The following ARHGEF3 variants were observed in gnomAD, a reference collection of about 807,000 sequenced individuals.
ARHGEF3 encodes the protein 59.8 kDA protein.
A neutral mutation model predicts 63.2 loss-of-function variants in ARHGEF3; 28 were observed. The ratio of observed to expected loss-of-function variants is 0.44; its 90% CI spans 0.33 to 0.61. The LOEUF (loss-of-function observed/expected upper bound fraction) is 0.61. Among genes scored for constraint, ARHGEF3 ranks in the 20% least tolerant of loss-of-function variants. The probability of loss-of-function intolerance (pLI) is 0.03; values close to 1 mark genes in which losing one functional copy is unlikely to be tolerated. For missense variants in ARHGEF3, 533 were observed against 659.3 expected, an observed-to-expected ratio of 0.81 and a Z score of 2.10; for synonymous variants, 266 against 254.2, an observed-to-expected ratio of 1.05 and a Z score of -0.44.
At chr3:56,812,207 A>G (rs1389112255) in intron 4 of ARHGEF3, among the ~76,000 whole-genome samples, 1 of 152,240 alleles carries the variant, frequency 6.6e-6, no homozygotes, top group Non-Finnish European at 1.5e-5. Flanking sequence ...AACTTCTGAG[A>G]TGGGACCAAA....
rs556296442 is a variant in ARHGEF3 at position 56,822,502 on chromosome 3, A to G, written c.193-48686T>C. On this transcript the variant is annotated intron_variant, in intron 4 of 12. Coordinates refer to the ARHGEF3 transcript ENST00000338458. The stretch of plus-strand genomic sequence containing the variant: ...ATGAAAACTGTTTATGAGGGCACCT[A>G]TATGTATATATATATGTGAAATATA... 2.4e-4 allele frequency among the ~76,000 whole-genome samples: 36 copies of G among 152,292 alleles called. No individual in the cohort carries two copies. The South Asian group carries it at 7.5e-3, about 32-fold the overall frequency.
At chr3:57,000,561 T>TCTCA (rs1371890794) in intron 2 of ARHGEF3, among the ~76,000 whole-genome samples, 1 of 152,134 alleles carries the variant, frequency 6.6e-6, no homozygotes, top group Non-Finnish European at 1.5e-5. Flanking sequence ...TGAGACGGAG[T>TCTCA]CTCACTCTGT....
chr3:56,844,284 T>C (rs2039411781), intron 4 of ARHGEF3, among the ~76,000 whole-genome samples: 1 of 152,234 alleles, frequency 6.6e-6, no homozygotes, highest in Admixed American at 6.5e-5. Flanking sequence ...GACAGAAAGA[T>C]ATGCTCAAGG....
At chr3:56,810,754 A>C (rs932489843) in intron 4 of ARHGEF3, among the ~76,000 whole-genome samples, 1 of 152,206 alleles carries the variant, frequency 6.6e-6, no homozygotes, top group African/African-American at 2.4e-5. Flanking sequence ...CTGCTGTGAA[A>C]TTGACTAAGA....
chr3:56,754,915 C>G, intron 3 of ARHGEF3, 66 bp downstream of exon 3: 3 of 1,598,278 alleles, frequency 1.9e-6, no homozygotes, highest in Non-Finnish European at 2.6e-6. Context: ...CAAATTCCAG[C>G]ATGGCTGACG....
chr3:56,730,127 A>C (rs1055583427), intron 9 of ARHGEF3, among the ~76,000 whole-genome samples: 28 of 152,242 alleles, frequency 1.8e-4, no homozygotes, highest in Non-Finnish European at 3.8e-4. Flanking sequence ...AAGATCTAAA[A>C]GTCGTTTCAT....
chr3:57,058,134 A>G (rs923673771), intron 1 of ARHGEF3, among the ~76,000 whole-genome samples: 1 of 152,176 alleles, frequency 6.6e-6, no homozygotes, highest in African/African-American at 2.4e-5. Flanking sequence ...TTTCAATTAA[A>G]AGTCCTGAAA....
chr3:56,990,738 T>G (rs113930301), intron 2 of ARHGEF3, among the ~76,000 whole-genome samples: 3 of 152,284 alleles, frequency 2.0e-5, no homozygotes, highest in African/African-American at 7.2e-5. Flanking sequence ...ACATTACAAT[T>G]TTATAGGTAA....
intron 4 of ARHGEF3, among the ~76,000 whole-genome samples, chr3:56,834,313 T>C (rs1005311925): frequency 6.6e-6 from 1 of 152,158 alleles, no homozygotes; most frequent in African/African-American, 2.4e-5. Context: ...TGTTTCACAT[T>C]GGCACTAGGT....
intron 2 of ARHGEF3, among the ~76,000 whole-genome samples, chr3:56,994,110 A>G (rs1239488912): frequency 3.4e-5 from 5 of 148,434 alleles, no homozygotes; most frequent in South Asian, 2.1e-4. Flanking sequence ...ATAACACACA[A>G]TCTAAACGTG....
chr3:56,805,811 C>G (rs1469194277), upstream of ARHGEF3, among the ~76,000 whole-genome samples: 1 of 152,054 alleles, frequency 6.6e-6, no homozygotes, highest in African/African-American at 2.4e-5. Context: ...TTAAATAGTG[C>G]TATAAAAAAG....
intron 8 of ARHGEF3, among the ~76,000 whole-genome samples, chr3:56,734,136 C>G (rs1161892543): frequency 6.6e-6 from 1 of 151,996 alleles, no homozygotes; most frequent in Non-Finnish European, 1.5e-5. Context: ...TGTTTCAGGT[C>G]CCATTATGAA....
At chr3:57,078,895 A>C in intron 1 of ARHGEF3, 24 of 213,874 alleles carry the variant, frequency 1.1e-4, no homozygotes, top group East Asian at 2.8e-4. Flanking sequence ...TCAAGGGGCT[A>C]CCCGGGGAAC....
intron 1 of ARHGEF3, among the ~76,000 whole-genome samples, chr3:56,801,248 CT>C (rs1306938329): frequency 6.6e-6 from 1 of 152,234 alleles, no homozygotes; most frequent in Non-Finnish European, 1.5e-5. Context: ...GGTGAGAGGG[CT>C]GGTACGTCCC....
At chr3:56,965,150 C>A (rs1700437359) in intron 2 of ARHGEF3, among the ~76,000 whole-genome samples, 1 of 152,078 alleles carries the variant, frequency 6.6e-6, no homozygotes, top group African/African-American at 2.4e-5. Context: ...AGCTACTCAG[C>A]AGGCTGAGGT....
At chr3:56,954,796 G>A (rs1448012830) in intron 3 of ARHGEF3, among the ~76,000 whole-genome samples, 2 of 152,182 alleles carry the variant, frequency 1.3e-5, no homozygotes, top group African/African-American at 4.8e-5. Flanking sequence ...TAATATGAGT[G>A]TCAATAGCCT....
rs139691582 is a variant in ARHGEF3 at position 56,920,109 on chromosome 3, A to G, written c.130-37755T>C. ...AACATAAATTCTACATAGATTGGAG[A>G]GAAATGTTAAAAGGGGGAAAAAAAC... On this transcript the variant is annotated intron_variant, in intron 3 of 12. Coordinates refer to the ARHGEF3 transcript ENST00000338458. 4.9e-3 allele frequency among the ~76,000 whole-genome samples: 751 copies of G among 152,316 alleles called. 2 individuals are homozygous for G. Among genetic ancestry groups the G allele is most frequent in the Middle Eastern group, 0.037 (11 of 294 alleles).
intron 4 of ARHGEF3, among the ~76,000 whole-genome samples, chr3:56,862,575 C>T (rs1249398409): frequency 6.6e-6 from 1 of 152,200 alleles, no homozygotes; most frequent in East Asian, 1.9e-4. Flanking sequence ...TGCCAATGTG[C>T]ATTCCCTTAA....
At chr3:56,818,569 A>G (rs2038353877) in intron 4 of ARHGEF3, among the ~76,000 whole-genome samples, 1 of 152,212 alleles carries the variant, frequency 6.6e-6, no homozygotes, top group Non-Finnish European at 1.5e-5. Flanking sequence ...GCTGCTCAAG[A>G]TGTATGAATA....
Sources: gnomAD v4.1 joint callset for allele counts (sites outside exome capture counted in the v4.1 genomes callset) on GRCh38, gnomAD v4.1.1 for gene constraint, MANE v1.5 for transcripts, NCBI Gene and HGNC (gene_info 2026-07-23, HGNC 2026-07-21) for gene names.